GALNTL6: variants seen among roughly 807,000 people sequenced by gnomAD.
GALNTL6 encodes the protein polypeptide N-acetylgalactosaminyltransferase-like 6.
Under a neutral mutation model 73.7 loss-of-function variants are expected in GALNTL6, and 46 were observed. The observed-to-expected ratio is 0.62, with a 90% CI of 0.49 to 0.80. The LOEUF (loss-of-function observed/expected upper bound fraction) is 0.80. Ranked by LOEUF, GALNTL6 falls within the 30% of genes least tolerant of loss-of-function variation. GALNTL6 has a pLI of 0.00. For missense variants in GALNTL6, 604 were observed against 755.0 expected (o/e 0.80, Z 2.34); for synonymous variants, 259 against 263.7 (o/e 0.98, Z 0.17).
chr4:172,308,938 C>G (rs1026206640), intron 3 of GALNTL6, among the ~76,000 whole-genome samples: 3 of 152,086 alleles, frequency 2.0e-5, no homozygotes, highest in African/African-American at 7.2e-5. Flanking sequence ...TAACACAATA[C>G]TTTGTATATC....
chr4:173,029,387 T>A (rs1753365844), intron 12 of GALNTL6, among the ~76,000 whole-genome samples: 1 of 152,192 alleles, frequency 6.6e-6, no homozygotes, highest in Non-Finnish European at 1.5e-5. Context: ...ATGGCCCAAT[T>A]TCCTGCCACT....
intron 5 of GALNTL6, among the ~76,000 whole-genome samples, chr4:172,362,387 T>A (rs1236986762): frequency 1.3e-4 from 1 of 7,864 alleles, no homozygotes; most frequent in African/African-American, 1.7e-4. Flanking sequence ...TAAACAAACT[T>A]AATTTATTTA....
At chr4:173,024,598 T>G (rs935690029) in intron 12 of GALNTL6, among the ~76,000 whole-genome samples, 3 of 152,208 alleles carry the variant, frequency 2.0e-5, no homozygotes, top group African/African-American at 7.2e-5. Context: ...TGTTTGTTTT[T>G]TGAGACGGAG....
chr4:172,690,452 G>A (rs1733199838), intron 5 of GALNTL6, among the ~76,000 whole-genome samples: 1 of 152,294 alleles, frequency 6.6e-6, no homozygotes, highest in East Asian at 1.9e-4. Context: ...TCTGTATCAT[G>A]TCAATTTGTA....
intron 3 of GALNTL6, among the ~76,000 whole-genome samples, chr4:172,251,797 A>C (rs1737881581): frequency 6.6e-6 from 1 of 152,140 alleles, no homozygotes; most frequent in Admixed American, 6.6e-5. Context: ...GGCACTCAGA[A>C]GAGTTTAAAC....
intron 2 of GALNTL6, among the ~76,000 whole-genome samples, chr4:171,832,595 G>A (rs4602462): frequency 0.99 from 149,533 of 151,604 alleles, 73,778 homozygotes; most frequent in Middle Eastern, 1. Context: ...AAAGTATAGA[G>A]TAAAAAATAA....
chr4:172,681,452 C>G (rs1185338410), intron 5 of GALNTL6, among the ~76,000 whole-genome samples: 1 of 152,022 alleles, frequency 6.6e-6, no homozygotes, highest in Non-Finnish European at 1.5e-5. Flanking sequence ...CTGAGATACA[C>G]ATATCAAAGA....
intron 2 of GALNTL6, among the ~76,000 whole-genome samples, chr4:171,841,828 TAAAAC>T (rs2110844278): frequency 6.6e-6 from 1 of 151,952 alleles, no homozygotes; most frequent in African/African-American, 2.4e-5. Context: ...ATTGAAAAAA[TAAAAC>T]TAAGTATAGC....
At chr4:171,851,707 G>C (rs1735527642) in intron 2 of GALNTL6, among the ~76,000 whole-genome samples, 1 of 152,112 alleles carries the variant, frequency 6.6e-6, no homozygotes, top group Non-Finnish European at 1.5e-5. Flanking sequence ...TATTGCATGT[G>C]AACTTAAGTC....
At chr4:172,805,013 GACTGAATCT>G (rs1168588828) in intron 5 of GALNTL6, among the ~76,000 whole-genome samples, 1 of 152,130 alleles carries the variant, frequency 6.6e-6, no homozygotes, top group Non-Finnish European at 1.5e-5. Context: ...GATTTGAGGG[GACTGAATCT>G]ACTCAGTAAG....
In GALNTL6 at chr4:172,281,215, G is replaced by A. The variant is rs191765576; in HGVS notation, c.248-30399G>A. On this transcript the variant is annotated intron_variant, in intron 3 of 12. Transcript: ENST00000506823. ...TGCAAATTCATTACCTTACAGTTCC[G>A]GAAGTGAGAAGTCCAAAATGGATCA... Among the ~76,000 whole-genome samples, 117 of 152,156 alleles carry A rather than the reference G, an allele frequency of 7.7e-4. 1 individual carries two copies. In the Middle Eastern group the frequency reaches 0.017, roughly 22 times the overall value.
chr4:172,637,666 A>G (rs1306692027), intron 5 of GALNTL6, among the ~76,000 whole-genome samples: 8 of 152,208 alleles, frequency 5.3e-5, no homozygotes, highest in Non-Finnish European at 1.2e-4. Flanking sequence ...ATCATTTAAC[A>G]TAATTGAATA....
At chr4:172,243,373 A>G (rs73000310) in intron 3 of GALNTL6, among the ~76,000 whole-genome samples, 4,811 of 152,228 alleles carry the variant, frequency 0.032, 237 homozygotes, top group African/African-American at 0.11. Flanking sequence ...TCTTTCTAGC[A>G]ATATCTTCCT....
chr4:172,723,575 G>C (rs1269414166), intron 5 of GALNTL6, among the ~76,000 whole-genome samples: 1 of 151,372 alleles, frequency 6.6e-6, no homozygotes, highest in Non-Finnish European at 1.5e-5. Flanking sequence ...TTTTTTTTCT[G>C]ATTACTTAGT....
intron 3 of GALNTL6, among the ~76,000 whole-genome samples, chr4:172,303,260 A>C (rs2111126551): frequency 6.6e-6 from 1 of 152,262 alleles, no homozygotes. Flanking sequence ...AGCCTCCCAA[A>C]GTGCTGGGAT....
intron 2 of GALNTL6, among the ~76,000 whole-genome samples, chr4:172,088,943 G>A (rs1345664026): frequency 6.6e-6 from 1 of 152,150 alleles, no homozygotes; most frequent in African/African-American, 2.4e-5. Flanking sequence ...ACATATTAAA[G>A]TAGGGTTGGT....
At chr4:172,165,745 T>C (rs973370927) in intron 2 of GALNTL6, among the ~76,000 whole-genome samples, 1 of 152,224 alleles carries the variant, frequency 6.6e-6, no homozygotes, top group African/African-American at 2.4e-5. Flanking sequence ...CTTCTAGTGA[T>C]ACTCATTTTT....
At chr4:173,006,784 G>A (rs548982256) in intron 10 of GALNTL6, among the ~76,000 whole-genome samples, 2 of 152,296 alleles carry the variant, frequency 1.3e-5, no homozygotes, top group East Asian at 3.9e-4. Flanking sequence ...GAGTCGATGG[G>A]TTCCAGGAAA....
intron 2 of GALNTL6, among the ~76,000 whole-genome samples, chr4:171,903,202 A>G (rs963582711): frequency 5.1e-4 from 77 of 152,260 alleles, no homozygotes; most frequent in Non-Finnish European, 8.2e-4. Flanking sequence ...CACAGAAGAC[A>G]GGTGATTTCT....
Sources: allele counts gnomAD v4.1 joint callset (sites outside exome capture counted in the v4.1 genomes callset), GRCh38; gene constraint gnomAD v4.1.1; transcripts MANE v1.5; gene names NCBI Gene and HGNC (gene_info 2026-07-23, HGNC 2026-07-21).